SYNE2: variants seen among roughly 807,000 people sequenced by gnomAD.
The protein encoded by SYNE2 is nesprin-2.
A neutral mutation model predicts 856.3 loss-of-function variants in SYNE2; 431 were observed. That is an observed-to-expected ratio of 0.50 (90% confidence interval 0.47 to 0.55). SYNE2 has a LOEUF of 0.55. Among genes scored for constraint, SYNE2 ranks in the 20% least tolerant of loss-of-function variants. SYNE2 has a pLI of 0.00. For missense variants in SYNE2, 8,129 were observed against 8,023.2 expected (o/e 1.01, Z -0.50); for synonymous variants, 2,923 against 2,872.3 (o/e 1.02, Z -0.56).
In SYNE2 at chr14:63,967,771, A is replaced by C; in HGVS notation, c.1053A>C (p.Ser351=). The C allele has an allele frequency of 6.2e-7, 1 of 1,614,098 alleles. No homozygotes were observed. Among genetic ancestry groups the C allele is most frequent in the Non-Finnish European group, 8.5e-7 (1 of 1,179,922 alleles). The change falls in exon 11 of 116, where the codon TCA becomes TCC. Residue 351 remains serine (S), a synonymous_variant. Coordinates refer to ENST00000555002, the MANE Select transcript of SYNE2 (RefSeq NM_182914.3). ...AAAAGTCCTTTTTGGATGTCCTGTC[A>C]ATAAAACGGGATCTGGATGAGCTGG... The part of the protein sequence containing the change: ...EEKKSFLDVL[S]IKRDLDELDK...
At chr14:63,913,392 A>G (rs17101437) in intron 2 of SYNE2, among the ~76,000 whole-genome samples, 8,293 of 151,960 alleles carry the variant, frequency 0.055, 236 homozygotes, top group Middle Eastern at 0.083. Context: ...AGTGCATTCT[A>G]TATTACTCTG....
chr14:64,107,464 C>G, intron 64 of SYNE2, 27 bp from the exon 65 acceptor site: 1 of 1,592,884 alleles, frequency 6.3e-7, no homozygotes, highest in African/African-American at 1.3e-5. Flanking sequence ...AGGACCCTTT[C>G]TGGAGCTCTG....
chr14:63,962,752 G>T (rs1454707028), intron 9 of SYNE2, among the ~76,000 whole-genome samples: 1 of 152,176 alleles, frequency 6.6e-6, no homozygotes, highest in Admixed American at 6.5e-5. Context: ...ATGTTGGCCA[G>T]GCTGGTCTCG....
intron 1 of SYNE2, among the ~76,000 whole-genome samples, chr14:63,798,956 T>A (rs934477217): frequency 6.6e-6 from 1 of 152,150 alleles, no homozygotes; most frequent in Non-Finnish European, 1.5e-5. Context: ...TCTTCATGGG[T>A]CCCAGGGTCC....
intron 1 of SYNE2, among the ~76,000 whole-genome samples, chr14:63,841,934 A>C (rs955271071): frequency 6.9e-6 from 1 of 145,524 alleles, no homozygotes; most frequent in African/African-American, 2.5e-5. Context: ...CTAAGTTCAC[A>C]CTATTTTCCT....
chr14:64,217,862 A>T (rs188984871), intron 108 of SYNE2, among the ~76,000 whole-genome samples: 4 of 152,346 alleles, frequency 2.6e-5, no homozygotes, highest in Non-Finnish European at 5.9e-5. Context: ...ATAACAGCCC[A>T]ATCGGCTGTG....
intron 1 of SYNE2, among the ~76,000 whole-genome samples, chr14:63,786,185 G>A (rs1404034931): frequency 6.6e-6 from 1 of 151,628 alleles, no homozygotes; most frequent in Non-Finnish European, 1.5e-5. Context: ...AGGAGGCGGA[G>A]TTTGCAGTGA....
In SYNE2 at chr14:64,119,507, C is replaced by T. The variant is rs1464397631; in HGVS notation, c.12921C>T (p.Ala4307=). 6.2e-7 allele frequency: 1 copy of T among 1,614,166 alleles called. No homozygotes were observed. Among genetic ancestry groups the T allele is most frequent in the South Asian group, 1.1e-5 (1 of 91,078 alleles). Residue 4307 remains alanine, a synonymous_variant, in exon 67 of 116, where the codon GCC becomes GCT. Coordinates refer to ENST00000555002, the MANE Select transcript of SYNE2 (RefSeq NM_182914.3). The stretch of plus-strand genomic sequence containing the variant: ...ATCAGGGCCTGGGAGATAATGGAGC[C>T]ACTCAACATGAGGCTGAAGCGCTTT... ...CKDQGLGDNG[A]TQHEAEALSL...
At chr14:63,900,531 A>G (rs1291505061) in intron 1 of SYNE2, among the ~76,000 whole-genome samples, 1 of 152,172 alleles carries the variant, frequency 6.6e-6, no homozygotes, top group Non-Finnish European at 1.5e-5. Flanking sequence ...ACCCACCGCC[A>G]TAATTCAATC....
At chr14:63,955,274 C>G (rs936069076) in intron 8 of SYNE2, among the ~76,000 whole-genome samples, 10 of 152,168 alleles carry the variant, frequency 6.6e-5, no homozygotes, top group Non-Finnish European at 1.3e-4. Context: ...TTATATGTCT[C>G]TCCTTCCTCC....
chr14:63,960,325 G>A (rs779285172), intron 8 of SYNE2, among the ~76,000 whole-genome samples: 3 of 152,140 alleles, frequency 2.0e-5, no homozygotes, highest in Non-Finnish European at 4.4e-5. Context: ...GTGACTTAGA[G>A]CACTCATTGA....
chr14:63,931,914 T>C (rs755247824), intron 2 of SYNE2, among the ~76,000 whole-genome samples: 2 of 152,236 alleles, frequency 1.3e-5, no homozygotes, highest in African/African-American at 4.8e-5. Context: ...TTTACCACCA[T>C]GCCTGGCTCT....
chr14:64,129,822 G>C lies in SYNE2; in HGVS notation c.14060G>C (p.Ser4687Thr), dbSNP rs768797732. 1.9e-6 allele frequency: 3 copies of C among 1,614,070 alleles called. No individual in the cohort carries two copies. Among genetic ancestry groups the C allele is most frequent in the African/African-American group, 2.7e-5 (2 of 74,932 alleles). The change falls in exon 75 of 116, where the codon AGC becomes ACC. Residue 4687 changes from serine (S) to threonine (T), a missense_variant. Ser to Thr is a moderately conservative substitution (Grantham distance 58). Around this residue, in one of 3 missense-constraint regions of SYNE2, gnomAD observed 5,410 missense variants for 5,284.8 expected, o/e 1.02. Transcript: ENST00000555002. ...AYTVELENAE[S>T]RVAKLRDEGE... ...ACAGTGGAGCTGGAGAACGCCGAGA[G>C]CCGAGTGGCCAAACTAAGAGATGAA...
chr14:63,844,975 T>G (rs1890182209), intron 1 of SYNE2, among the ~76,000 whole-genome samples: 1 of 152,198 alleles, frequency 6.6e-6, no homozygotes, highest in Non-Finnish European at 1.5e-5. Context: ...TTTAGAATAA[T>G]TCCTCATGAA....
At chr14:64,079,804 G>C (rs1411398243) in intron 55 of SYNE2, among the ~76,000 whole-genome samples, 1 of 151,988 alleles carries the variant, frequency 6.6e-6, no homozygotes, top group Non-Finnish European at 1.5e-5. Context: ...GACCTCCCTG[G>C]CTCAATTGAT....
chr14:64,218,611 C>T (rs1048191343), intron 109 of SYNE2, 99 bp downstream of exon 109: 18 of 1,178,434 alleles, frequency 1.5e-5, no homozygotes, highest in East Asian at 1.5e-4. Flanking sequence ...CTATACGATT[C>T]GCCAGAACTG....
chr14:64,025,511 T>A, intron 41 of SYNE2, 90 bp downstream of exon 41: 5 of 1,293,636 alleles, frequency 3.9e-6, no homozygotes. Flanking sequence ...TGCTTCTTAA[T>A]GGAAAATCAG....
intron 99 of SYNE2, among the ~76,000 whole-genome samples, chr14:64,198,731 G>A (rs1356028926): frequency 1.3e-5 from 2 of 152,182 alleles, no homozygotes; most frequent in Non-Finnish European, 2.9e-5. Flanking sequence ...TGAGGAGCAC[G>A]AGTGGCTCCT....
At position 64,056,234 on chromosome 14, in the gene SYNE2, A is replaced by C. The variant is rs761183359; in HGVS notation, c.10035A>C (p.Glu3345Asp). The C allele has an allele frequency of 2.6e-5, 42 of 1,614,024 alleles. 1 individual carries two copies. The South Asian group carries it at 4.4e-4, about 17-fold the overall frequency. Residue 3345 changes from glutamate (E) to aspartate (D), a missense_variant, in exon 49 of 116, where the codon GAA becomes GAC. Glu to Asp is a conservative substitution (Grantham distance 45). Around this residue, in one of 3 missense-constraint regions of SYNE2, gnomAD observed 5,410 missense variants for 5,284.8 expected, o/e 1.02. Coordinates refer to ENST00000555002, the MANE Select transcript of SYNE2 (RefSeq NM_182914.3). Reference sequence around the variant, plus strand: ...TTTCTAAGAACTCAGCAATGAAGGAAGCTTTCAAAGCACAGGAAACTGAGG... The same window carrying C: ...TTTCTAAGAACTCAGCAATGAAGGACGCTTTCAAAGCACAGGAAACTGAGG... ...ELVSKNSAMK[E>D]AFKAQETEAE...
Sources: gnomAD v4.1 joint callset for allele counts (sites outside exome capture counted in the v4.1 genomes callset) on GRCh38, gnomAD v4.1.1 for gene constraint, gnomAD v4.1.1 regional missense constraint, MANE v1.5 for transcripts, NCBI Gene and HGNC (gene_info 2026-07-23, HGNC 2026-07-21) for gene names.